Variants in SNX6 observed in about 807,000 individuals in gnomAD.
SNX6 encodes sorting nexin-6.
In SNX6, 34 loss-of-function variants were observed where a neutral mutation model predicts 63.0. The ratio of observed to expected loss-of-function variants is 0.54; its 90% CI spans 0.41 to 0.72. The LOEUF (loss-of-function observed/expected upper bound fraction) is 0.72. Ranked by LOEUF, SNX6 falls within the 30% of genes least tolerant of loss-of-function variation. The pLI, the probability that SNX6 is intolerant of heterozygous loss-of-function variation, is 0.00. For synonymous variants in SNX6, 170 were observed against 164.2 expected, an observed-to-expected ratio of 1.04 and a Z score of -0.27; for missense variants, 398 against 471.4, an observed-to-expected ratio of 0.84 and a Z score of 1.44.
chr14:34,570,656 C>T (rs1211949097), intron 11 of SNX6, among the ~76,000 whole-genome samples: 1 of 150,824 alleles, frequency 6.6e-6, no homozygotes, highest in Non-Finnish European at 1.5e-5. Context: ...CTCTCAACCT[C>T]GTGATCCACC....
At chr14:34,585,754 C>T (rs1051303911) in intron 9 of SNX6, among the ~76,000 whole-genome samples, 2 of 151,718 alleles carry the variant, frequency 1.3e-5, no homozygotes, top group East Asian at 1.9e-4. Context: ...CACACACCAC[C>T]GACACCTGGG....
intron 10 of SNX6, among the ~76,000 whole-genome samples, chr14:34,581,032 C>T (rs1881912949): frequency 6.6e-6 from 1 of 152,132 alleles, no homozygotes; most frequent in Non-Finnish European, 1.5e-5. Flanking sequence ...CAATGGAATC[C>T]AAATCTGTTT....
At chr14:34,577,713 C>G (rs1881765513) in intron 10 of SNX6, among the ~76,000 whole-genome samples, 1 of 151,844 alleles carries the variant, frequency 6.6e-6, no homozygotes, top group South Asian at 2.1e-4. Context: ...ACAAGCTATA[C>G]TATAATAAAA....
chr14:34,608,528 T>C (rs1198928640), intron 3 of SNX6, among the ~76,000 whole-genome samples: 1 of 152,314 alleles, frequency 6.6e-6, no homozygotes, highest in African/African-American at 2.4e-5. Flanking sequence ...AGACCATTAG[T>C]GTCCTTTAAG....
intron 8 of SNX6, 110 bp downstream of exon 8, chr14:34,592,935 C>A (rs1363442509): frequency 3.9e-6 from 3 of 764,952 alleles, no homozygotes; most frequent in Non-Finnish European, 4.3e-6. Flanking sequence ...TAGGCTCCAA[C>A]AGACCAGTTT....
At chr14:34,597,478 T>C (rs191065781) in intron 7 of SNX6, 72 bp downstream of exon 7, 7 of 927,074 alleles carry the variant, frequency 7.6e-6, no homozygotes, top group African/African-American at 6.6e-5. Context: ...TTCTGCACAT[T>C]TGAAATCTCA....
At chr14:34,613,785 C>T (rs1883319160) in intron 2 of SNX6, among the ~76,000 whole-genome samples, 1 of 150,968 alleles carries the variant, frequency 6.6e-6, no homozygotes, top group African/African-American at 2.4e-5. Flanking sequence ...AGCGAGACTC[C>T]ATCTCAAAAA....
chr14:34,626,490 T>TAAAAA (rs61026659), intron 2 of SNX6, among the ~76,000 whole-genome samples: 3 of 130,900 alleles, frequency 2.3e-5, no homozygotes, highest in Non-Finnish European at 3.3e-5. Flanking sequence ...CCGCCTCTAC[T>TAAAAA]AAAAAAAAAA....
chr14:34,567,129 CAGA>C (rs1426715522), intron 13 of SNX6, among the ~76,000 whole-genome samples: 6 of 151,822 alleles, frequency 4.0e-5, no homozygotes, highest in Non-Finnish European at 8.8e-5. Context: ...GAGGCTGAGG[CAGA>C]AGAGTTGCTT....
At position 34,575,529 on chromosome 14, in the gene SNX6, A is replaced by G. The variant is rs1881657448; in HGVS notation, c.921+227T>C. 1.4e-5 allele frequency: 3 copies of G among 217,430 alleles called. 1 individual carries two copies. Among genetic ancestry groups the G allele is most frequent in the South Asian group, 1.6e-4 (2 of 12,300 alleles). 13.5% of individuals were successfully genotyped at this position (217,430 alleles called of 1,614,324 possible). A position where few individuals can be genotyped will look rare whatever the true frequency, so the allele number is the denominator to read the frequency against. ...ATTCATTTTTTTAAAGTTCTAGATT[A>G]TATCAGAAGTATAATAAAGAGGAAA... On this transcript the variant is annotated intron_variant, in intron 11 of 13. Coordinates refer to ENST00000362031, the MANE Select transcript of SNX6 (RefSeq NM_152233.4).
intron 5 of SNX6, 106 bp downstream of exon 5, chr14:34,605,490 A>C: frequency 1.1e-6 from 1 of 891,392 alleles, no homozygotes; most frequent in Non-Finnish European, 1.7e-6. Flanking sequence ...GAAAGGGTTT[A>C]ATGATGGGAT....
At chr14:34,602,191 T>C (rs1009262679) in intron 6 of SNX6, among the ~76,000 whole-genome samples, 7 of 151,722 alleles carry the variant, frequency 4.6e-5, no homozygotes, top group African/African-American at 1.7e-4. Context: ...TTTGGGAGGC[T>C]AAGGTGGGAG....
intron 10 of SNX6, among the ~76,000 whole-genome samples, chr14:34,576,505 G>A (rs891049354): frequency 4.6e-5 from 7 of 150,964 alleles, no homozygotes; most frequent in African/African-American, 1.7e-4. Context: ...CTGGAATGCA[G>A]TGGCGCAATC....
chr14:34,563,785 C>G (rs1361314637), intron 13 of SNX6, among the ~76,000 whole-genome samples: 2 of 151,776 alleles, frequency 1.3e-5, no homozygotes, highest in African/African-American at 4.8e-5. Flanking sequence ...GTTGCCCAGA[C>G]TGGAGTGCAA....
intron 2 of SNX6, among the ~76,000 whole-genome samples, chr14:34,612,942 G>A (rs1363637168): frequency 1.3e-5 from 2 of 151,786 alleles, no homozygotes; most frequent in African/African-American, 4.8e-5. Context: ...CCAGCTACTT[G>A]GGAGGCTGAG....
intron 2 of SNX6, among the ~76,000 whole-genome samples, chr14:34,615,839 A>C (rs559258483): frequency 2.6e-5 from 4 of 152,342 alleles, no homozygotes; most frequent in African/African-American, 7.2e-5. Flanking sequence ...GCCAGTCCCC[A>C]AAATAAAATC....
At chr14:34,614,436 CA>C (rs146083735) in intron 2 of SNX6, among the ~76,000 whole-genome samples, 48 of 129,928 alleles carry the variant, frequency 3.7e-4, no homozygotes, top group East Asian at 6.9e-4. Context: ...GACCCTGTCT[CA>C]AAAAAAAAAA....
chr14:34,572,749 C>T (rs559035673), intron 11 of SNX6, among the ~76,000 whole-genome samples: 2 of 151,906 alleles, frequency 1.3e-5, no homozygotes, highest in Admixed American at 6.6e-5. Flanking sequence ...GGCGCGATCT[C>T]GGCTCACTGC....
At chr14:34,569,583 A>T (rs1881352375) in intron 11 of SNX6, among the ~76,000 whole-genome samples, 1 of 152,026 alleles carries the variant, frequency 6.6e-6, no homozygotes, top group South Asian at 2.1e-4. Flanking sequence ...TGTGCCACCA[A>T]GCCTGGCTAA....
Sources: allele counts gnomAD v4.1 joint callset (sites outside exome capture counted in the v4.1 genomes callset), GRCh38; gene constraint gnomAD v4.1.1; transcripts MANE v1.5; gene names NCBI Gene and HGNC (gene_info 2026-07-23, HGNC 2026-07-21).